The following ROS1 variants were observed in gnomAD, a reference collection of about 807,000 sequenced individuals.
The protein encoded by ROS1 is ROS proto-oncogene 1, receptor tyrosine kinase, also known as proto-oncogene tyrosine-protein kinase ROS.
A neutral mutation model predicts 273.5 loss-of-function variants in ROS1; 263 were observed. The ratio of observed to expected loss-of-function variants is 0.96; its 90% CI spans 0.87 to 1.06. The LOEUF is 1.06. ROS1 is among the 50% of genes least tolerant of loss of function. The pLI is 0.00. For synonymous variants in ROS1, 1,008 were observed against 954.1 expected (o/e 1.06, Z -1.04); for missense variants, 2,833 against 2,751.1 (o/e 1.03, Z -0.67).
intron 24 of ROS1, 39 bp downstream of exon 24, chr6:117,359,765 ATACTT>A: frequency 1.3e-6 from 2 of 1,517,642 alleles, no homozygotes; most frequent in African/African-American, 1.4e-5. Context: ...TCATATGCAA[ATACTT>A]CACTTCCTTT....
intron 7 of ROS1, among the ~76,000 whole-genome samples, 188 bp from the exon 8 acceptor site, chr6:117,397,304 G>A: frequency 6.6e-6 from 1 of 151,942 alleles, no homozygotes; most frequent in East Asian, 1.9e-4. Flanking sequence ...CCTTTCCCAA[G>A]AGGCCCTTTC....
At chr6:117,366,750 G>A (rs529456129) in intron 18 of ROS1, among the ~76,000 whole-genome samples, 1 of 152,282 alleles carries the variant, frequency 6.6e-6, no homozygotes, top group African/African-American at 2.4e-5. Flanking sequence ...CTGACCTCAA[G>A]TGATCTGACT....
chr6:117,361,889 G>A (rs1779830621), intron 22 of ROS1, among the ~76,000 whole-genome samples: 1 of 151,862 alleles, frequency 6.6e-6, no homozygotes, highest in Admixed American at 6.6e-5. Context: ...TACTCTCAAC[G>A]ACTTAACTTT....
At position 117,404,229 on chromosome 6, in the gene ROS1, A is replaced by G. The variant is rs773914258; in HGVS notation, c.465+51T>C. The stretch of plus-strand genomic sequence containing the variant: ...GAGCGAGACTCCGTCTCAAAAAAAA[A>G]AAAAAATTGGGAAGGGGTCTGGGTT... On this transcript the variant is annotated intron_variant, in intron 6 of 43. Transcript: ENST00000368507. 23 of 1,568,106 alleles carry G rather than the reference A, an allele frequency of 1.5e-5. No individual in the cohort carries two copies. The African/African-American group carries it at 2.8e-4, about 19-fold the overall frequency.
chr6:117,289,498 A>G (rs1773671721), intron 43 of ROS1, among the ~76,000 whole-genome samples: 1 of 152,232 alleles, frequency 6.6e-6, no homozygotes, highest in Admixed American at 6.5e-5. Flanking sequence ...TAAAAATTTA[A>G]TGGATCTACC....
rs751283767 is a variant in ROS1 at position 117,394,600 on chromosome 6, T to C, written c.1006+16A>G. On this transcript the variant is annotated intron_variant, in intron 10 of 43. Coordinates refer to ENST00000368507, the MANE Select transcript of ROS1 (RefSeq NM_001378902.1). Reference sequence around the variant, plus strand: ...TCTTTTCACACTAAGGAATCATTTATCCTTATCATACTGACCTGTAATATT... The same window carrying C: ...TCTTTTCACACTAAGGAATCATTTACCCTTATCATACTGACCTGTAATATT... 3 of 1,556,746 alleles carry C rather than the reference T, an allele frequency of 1.9e-6. No homozygotes were observed. In the Admixed American group the frequency reaches 5.8e-5, roughly 30 times the overall value.
chr6:117,348,859 G>A (rs972902787), intron 27 of ROS1, among the ~76,000 whole-genome samples: 2 of 151,824 alleles, frequency 1.3e-5, no homozygotes, highest in Admixed American at 6.6e-5. Context: ...TTAGAAATAC[G>A]TTGTTTAATC....
chr6:117,395,327 C>T (rs934830518), intron 9 of ROS1, among the ~76,000 whole-genome samples: 1 of 152,150 alleles, frequency 6.6e-6, no homozygotes, highest in African/African-American at 2.4e-5. Flanking sequence ...TAACCCTGCT[C>T]TATATTTAAC....
At chr6:117,315,345 C>T (rs1775843663) in intron 39 of ROS1, among the ~76,000 whole-genome samples, 1 of 151,624 alleles carries the variant, frequency 6.6e-6, no homozygotes, top group Non-Finnish European at 1.5e-5. Context: ...TATTCATTAT[C>T]AAAGAGACAA....
chr6:117,344,127 G>A lies in ROS1; in HGVS notation c.4439C>T (p.Thr1480Ile). 1.2e-6 allele frequency: 2 copies of A among 1,614,046 alleles called. No homozygotes were observed. Among genetic ancestry groups the A allele is most frequent in the Non-Finnish European group, 8.5e-7 (1 of 1,179,934 alleles). Residue 1480 changes from threonine to isoleucine, a missense_variant, in exon 28 of 44, where the codon ACA becomes ATA. Physicochemically the swap from Thr to Ile is moderately conservative, Grantham distance 89. Coordinates refer to ENST00000368507, the MANE Select transcript of ROS1 (RefSeq NM_001378902.1). ...AACTTCTGCATAATAAACCAGGTAT[G>A]TTGGAGTAGGGCTGGTGATGCCATA... The part of the protein sequence containing the change: ...TWYGITSPTP[T>I]YLVYYAEVND...
chr6:117,340,223 G>T (rs1777820090), intron 31 of ROS1, among the ~76,000 whole-genome samples: 1 of 152,010 alleles, frequency 6.6e-6, no homozygotes, highest in Non-Finnish European at 1.5e-5. Context: ...TGAAACTATG[G>T]TCTTTGAGTT....
intron 34 of ROS1, 124 bp downstream of exon 34, chr6:117,326,100 T>G (rs1347037525): frequency 6.3e-6 from 1 of 159,882 alleles, no homozygotes; most frequent in Non-Finnish European, 1.2e-5. Flanking sequence ...ATTATATATA[T>G]ATATATATAT....
At chr6:117,295,785 T>C (rs982693634) in intron 43 of ROS1, among the ~76,000 whole-genome samples, 5 of 152,160 alleles carry the variant, frequency 3.3e-5, no homozygotes, top group African/African-American at 9.7e-5. Context: ...CAAAACTACA[T>C]TGAGATATCA....
chr6:117,414,057 C>A (rs558035992), intron 4 of ROS1, among the ~76,000 whole-genome samples: 22 of 152,148 alleles, frequency 1.4e-4, no homozygotes, highest in Middle Eastern at 3.4e-3. Flanking sequence ...AGCAAGCAAG[C>A]AAGAAAGAAA....
At position 117,383,388 on chromosome 6, in the gene ROS1, C is replaced by G. The variant is rs1307375070; in HGVS notation, c.2410G>C (p.Val804Leu). The G allele has an allele frequency of 2.5e-6, 4 of 1,614,062 alleles. No individual in the cohort carries two copies. The highest frequency in any genetic ancestry group is 3.3e-5 in the Admixed American group (2 of 60,014). Residue 804 changes from valine to leucine, a missense_variant, in exon 17 of 44, where the codon GTG (valine) becomes CTG (leucine). Val to Leu is a conservative substitution (Grantham distance 32). Coordinates refer to ENST00000368507, the MANE Select transcript of ROS1 (RefSeq NM_001378902.1). ...TCCCCATTTAGTCTGGTGCTTTCCA[C>G]TGAATAGAGTGTGGTCCAGTAGAGA... ...GYLYWTTLYS[V>L]ESTRLNGESS... is the part of the protein sequence containing the mutation.
rs750836522 is a variant in ROS1 at position 117,383,356 on chromosome 6, G to A, written c.2442C>T (p.Ser814=). The change falls in exon 17 of 44, where the codon TCC becomes TCT. Residue 814 remains serine (S), a synonymous_variant. Coordinates refer to ENST00000368507, the MANE Select transcript of ROS1 (RefSeq NM_001378902.1). The stretch of plus-strand genomic sequence containing the variant: ...ACCAAGGCTGTGTCTGTAGTACAAG[G>A]GAACTTTCCCCATTTAGTCTGGTGC... ...VESTRLNGES[S]LVLQTQPWFS... The A allele has an allele frequency of 1.2e-6, 2 of 1,613,946 alleles. No individual in the cohort carries two copies. The highest frequency in any genetic ancestry group is 1.7e-6 in the Non-Finnish European group (2 of 1,179,886).
intron 7 of ROS1, among the ~76,000 whole-genome samples, chr6:117,398,900 G>A (rs1339119508): frequency 6.6e-6 from 1 of 151,632 alleles, no homozygotes; most frequent in African/African-American, 2.4e-5. Flanking sequence ...TTGAACCCAG[G>A]AGGTGGAGGT....
chr6:117,372,528 T>C (rs996233314), intron 18 of ROS1, among the ~76,000 whole-genome samples: 2 of 152,166 alleles, frequency 1.3e-5, no homozygotes, highest in Admixed American at 6.5e-5. Context: ...TTAAAGGTGG[T>C]GTGTCCAGAG....
At chr6:117,416,851 G>A (rs942629037) in intron 2 of ROS1, among the ~76,000 whole-genome samples, 2 of 152,038 alleles carry the variant, frequency 1.3e-5, no homozygotes, top group African/African-American at 4.8e-5. Flanking sequence ...AGACAGATTT[G>A]ATATATTTCT....
Sources: gnomAD v4.1 joint callset for allele counts (sites outside exome capture counted in the v4.1 genomes callset) on GRCh38, gnomAD v4.1.1 for gene constraint, MANE v1.5 for transcripts, NCBI Gene and HGNC (gene_info 2026-07-23, HGNC 2026-07-21) for gene names.